SESTD1: variants seen among roughly 807,000 people sequenced by gnomAD.
SESTD1 encodes SEC14 domain and spectrin repeat-containing protein 1.
A neutral mutation model predicts 101.7 loss-of-function variants in SESTD1; 43 were observed. The observed-to-expected ratio is 0.42, with a 90% CI of 0.33 to 0.55. The LOEUF (loss-of-function observed/expected upper bound fraction) is 0.55. Ranked by LOEUF, SESTD1 falls within the 20% of genes least tolerant of loss-of-function variation. SESTD1 has a pLI of 0.07. For missense variants in SESTD1, 647 were observed against 815.1 expected (o/e 0.79, Z 2.51); for synonymous variants, 283 against 286.8 (o/e 0.99, Z 0.13).
intron 10 of SESTD1, among the ~76,000 whole-genome samples, chr2:179,125,710 AG>A (rs1236662993): frequency 6.6e-6 from 1 of 152,218 alleles, no homozygotes; most frequent in Non-Finnish European, 1.5e-5. Context: ...ATGTTTCTCT[AG>A]TAAATTCACT....
intron 1 of SESTD1, among the ~76,000 whole-genome samples, chr2:179,245,839 A>G (rs988471116): frequency 5.3e-5 from 8 of 152,350 alleles, no homozygotes; most frequent in Admixed American, 3.3e-4. Context: ...TATATTCATT[A>G]AAAAACATGT....
intron 1 of SESTD1, among the ~76,000 whole-genome samples, chr2:179,197,600 C>G (rs1434078268): frequency 1.8e-4 from 27 of 152,254 alleles, no homozygotes; most frequent in Non-Finnish European, 3.1e-4. Context: ...ATCAGACTAA[C>G]AGCAGATCTC....
chr2:179,186,742 C>T (rs1312122975), intron 2 of SESTD1, among the ~76,000 whole-genome samples: 1 of 143,588 alleles, frequency 7.0e-6, no homozygotes, highest in African/African-American at 2.6e-5. Context: ...GGCTGGAGTG[C>T]AGTGGCGCGA....
chr2:179,177,928 A>C (rs2046039163), intron 3 of SESTD1, among the ~76,000 whole-genome samples: 1 of 152,230 alleles, frequency 6.6e-6, no homozygotes, highest in Non-Finnish European at 1.5e-5. Context: ...CATTATGCTA[A>C]GTAAAACACG....
At position 179,251,551 on chromosome 2, in the gene SESTD1, C is replaced by T. The variant is rs115794872; in HGVS notation, c.-26+12948G>A. ...GTCTATGCTCAATGTTTAAATGTCACCCAAAGCAACAACTGCAGTGTCCAG... is the reference window on the plus strand; with the variant it reads ...GTCTATGCTCAATGTTTAAATGTCATCCAAAGCAACAACTGCAGTGTCCAG... On this transcript the variant is annotated intron_variant, in intron 1 of 17. Transcript: ENST00000428443. Among the ~76,000 whole-genome samples, 1,144 of 152,238 alleles carry T rather than the reference C, an allele frequency of 7.5e-3. 15 individuals carry two copies. Among genetic ancestry groups the T allele is most frequent in the African/African-American group, 0.026 (1,061 of 41,526 alleles).
rs543363093 is a variant in SESTD1, at chr2:179,141,265, G to A, written c.849+2327C>T. On this transcript the variant is annotated intron_variant, in intron 9 of 17. Coordinates refer to ENST00000428443, the MANE Select transcript of SESTD1 (RefSeq NM_178123.5). ...AAATCTTGCCCAATGTTCCCTAGGT[G>A]GGCAACACCATTATCTTGCAAACTA... Among the ~76,000 whole-genome samples, 14 of 152,200 alleles carry A rather than the reference G, an allele frequency of 9.2e-5. No homozygotes were observed. The South Asian group carries it at 2.9e-3, about 32-fold the overall frequency.
intron 1 of SESTD1, among the ~76,000 whole-genome samples, chr2:179,250,474 T>TTTAGA (rs781419902): frequency 6.6e-6 from 1 of 152,222 alleles, no homozygotes; most frequent in Non-Finnish European, 1.5e-5. Context: ...TGTCTTTTCT[T>TTTAGA]ACAGTTCCGG....
rs1470590280 is a variant in SESTD1, at chr2:179,208,310, A to T, written c.-25-16444T>A. Among the ~76,000 whole-genome samples the T allele has an allele frequency of 4.4e-5, 6 of 135,586 alleles. 1 individual carries two copies. The highest frequency in any genetic ancestry group is 7.9e-5 in the Non-Finnish European group (5 of 62,934). The allele number at this position is 135,586 out of a possible 152,430, so 88.9% of individuals were successfully genotyped here. On this transcript the variant is annotated intron_variant, in intron 1 of 17. Coordinates refer to ENST00000428443, the MANE Select transcript of SESTD1 (RefSeq NM_178123.5). The stretch of plus-strand genomic sequence containing the variant: ...CTTGGAAAACTTATTTGAGGGAATA[A>T]TCGAGGAAAACTTCCCTGGTCTTGC...
chr2:179,189,640 C>T (rs930522034), intron 2 of SESTD1, among the ~76,000 whole-genome samples: 3 of 152,024 alleles, frequency 2.0e-5, no homozygotes, highest in Non-Finnish European at 4.4e-5. Context: ...TATTGCTCTT[C>T]GTTGACTTTA....
chr2:179,209,770 C>A lies in SESTD1; in HGVS notation c.-25-17904G>T, dbSNP rs764731195. 3.4e-4 allele frequency among the ~76,000 whole-genome samples: 45 copies of A among 133,232 alleles called. 9 individuals are homozygous for A. The highest frequency in any genetic ancestry group is 4.0e-4 in the East Asian group (2 of 5,006). The allele number at this position is 133,232 out of a possible 152,430, so 87.4% of individuals were successfully genotyped here. A position where few individuals can be genotyped will look rare whatever the true frequency, so the allele number is the denominator to read the frequency against. ...TATTACATCAAAAAGTCGGAAAGTG[C>A]ACAAATTGACAATCTAAGTTCACAC... is the stretch of plus-strand genomic sequence containing the variant. On this transcript the variant is annotated intron_variant, in intron 1 of 17. Coordinates refer to ENST00000428443, the MANE Select transcript of SESTD1 (RefSeq NM_178123.5).
chr2:179,236,300 C>G (rs946853926), intron 1 of SESTD1, among the ~76,000 whole-genome samples: 1 of 125,226 alleles, frequency 8.0e-6, no homozygotes, highest in Non-Finnish European at 1.6e-5. Flanking sequence ...CCAGCCTGGG[C>G]AACATAGTGA....
At chr2:179,235,563 A>G (rs547876494) in intron 1 of SESTD1, among the ~76,000 whole-genome samples, 2 of 152,258 alleles carry the variant, frequency 1.3e-5, no homozygotes, top group South Asian at 2.1e-4. Flanking sequence ...AAAACCCTCA[A>G]GTTATTCTTT....
chr2:179,199,309 T>A (rs1387874497), intron 1 of SESTD1, among the ~76,000 whole-genome samples: 9 of 151,952 alleles, frequency 5.9e-5, no homozygotes, highest in Admixed American at 1.3e-4. Flanking sequence ...TGTGGCAATA[T>A]TCAATAGCTT....
Position 179,212,212 on chromosome 2 carries a change from C to T in SESTD1, c.-25-20346G>A, listed in dbSNP as rs553063313. Among the ~76,000 whole-genome samples, 9 of 134,186 alleles carry T rather than the reference C, an allele frequency of 6.7e-5. 2 individuals are homozygous for T. In the South Asian group the frequency reaches 1.4e-3, roughly 22 times the overall value. The allele number at this position is 134,186 out of a possible 152,430, so 88.0% of individuals were successfully genotyped here. On this transcript the variant is annotated intron_variant, in intron 1 of 17. Transcript: ENST00000428443. ...GCGGGGAGTTGCTTCACCTAGGAAGCGCAAGGGGCCGGGGGATTTTCCTTT... is the reference window on the plus strand; with the variant it reads ...GCGGGGAGTTGCTTCACCTAGGAAGTGCAAGGGGCCGGGGGATTTTCCTTT...
intron 3 of SESTD1, among the ~76,000 whole-genome samples, chr2:179,176,756 C>G (rs776159412): frequency 6.6e-6 from 1 of 152,132 alleles, no homozygotes; most frequent in African/African-American, 2.4e-5. Flanking sequence ...AATTTACAAA[C>G]TAATGTGGCA....
chr2:179,221,832 A>G (rs1053620443), intron 1 of SESTD1, among the ~76,000 whole-genome samples: 24 of 150,868 alleles, frequency 1.6e-4, no homozygotes, highest in African/African-American at 5.6e-4. Flanking sequence ...AGGTGAGAGG[A>G]TCCCTTGAGC....
chr2:179,163,592 G>A (rs201173072), intron 5 of SESTD1, among the ~76,000 whole-genome samples: 2 of 125,984 alleles, frequency 1.6e-5, no homozygotes, highest in African/African-American at 1.1e-4. Flanking sequence ...AAAAAAAAAA[G>A]ATCACTACCC....
Position 179,149,414 on chromosome 2 carries a change from A to T in SESTD1, c.484-20T>A, listed in dbSNP as rs774476405. ...AAAAACCTACAATATGAGTTTTATT[A>T]ACATACTAAGAACAGTCTTAAAAAT... On this transcript the variant is annotated intron_variant, in intron 6 of 17. Coordinates refer to ENST00000428443, the MANE Select transcript of SESTD1 (RefSeq NM_178123.5). 6.7e-7 allele frequency: 1 copy of T among 1,490,424 alleles called. No homozygotes were observed. The allele number at this position is 1,490,424 out of a possible 1,614,324, so 92.3% of individuals were successfully genotyped here.
intron 1 of SESTD1, among the ~76,000 whole-genome samples, chr2:179,231,679 T>C (rs2046990320): frequency 6.7e-6 from 1 of 148,488 alleles, no homozygotes; most frequent in African/African-American, 2.5e-5. Context: ...AATAAATGCT[T>C]ATTCAAGAGA....
Sources: allele counts gnomAD v4.1 joint callset (sites outside exome capture counted in the v4.1 genomes callset), GRCh38; gene constraint gnomAD v4.1.1; transcripts MANE v1.5; gene names NCBI Gene and HGNC (gene_info 2026-07-23, HGNC 2026-07-21).